Variants in ADCY2 observed in about 807,000 individuals in gnomAD.
ADCY2 encodes adenylate cyclase 2, also known as adenylate cyclase type 2.
In ADCY2, 31 loss-of-function variants were observed where a neutral mutation model predicts 125.2. The ratio of observed to expected loss-of-function variants is 0.25; its 90% confidence interval spans 0.19 to 0.33. The LOEUF (loss-of-function observed/expected upper bound fraction) is 0.33, where lower values mean the gene tolerates loss of function less well. ADCY2 is among the 10% of genes least tolerant of loss of function. The pLI is 1.00. For missense variants in ADCY2, 904 were observed against 1,418.2 expected (o/e 0.64, Z 5.82); for synonymous variants, 512 against 548.4 (o/e 0.93, Z 0.93).
At chr5:7,771,141 A>G (rs571495657) in intron 17 of ADCY2, among the ~76,000 whole-genome samples, 1 of 152,256 alleles carries the variant, frequency 6.6e-6, no homozygotes, top group South Asian at 2.1e-4. Flanking sequence ...AACTTCTCTA[A>G]GGTGACAAGG....
chr5:7,826,077 G>A (rs1745467546), intron 24 of ADCY2, among the ~76,000 whole-genome samples: 2 of 152,322 alleles, frequency 1.3e-5, no homozygotes, highest in East Asian at 1.9e-4. Context: ...TTTGAGACTT[G>A]ACTGGGAGCA....
At chr5:7,441,164 C>T in intron 2 of ADCY2, among the ~76,000 whole-genome samples, 1 of 152,044 alleles carries the variant, frequency 6.6e-6, no homozygotes, top group Non-Finnish European at 1.5e-5. Flanking sequence ...AACTTCTTGA[C>T]TTCTGGGGAT....
At position 7,675,557 on chromosome 5, in the gene ADCY2, C is replaced by T. The variant is rs536720206; in HGVS notation, c.721-15134C>T. Among the ~76,000 whole-genome samples, 23 of 152,290 alleles carry T rather than the reference C, an allele frequency of 1.5e-4. No individual in the cohort carries two copies. The East Asian group carries it at 4.2e-3, about 28-fold the overall frequency. ...AACTTGTCAAAAGAGACTTTGCGCC[C>T]GTCGAGGCTAACATATGAAGGTTTT... On this transcript the variant is annotated intron_variant, in intron 4 of 24. Coordinates refer to ENST00000338316, the MANE Select transcript of ADCY2 (RefSeq NM_020546.3).
intron 3 of ADCY2, among the ~76,000 whole-genome samples, chr5:7,567,929 TTCTCTCTCTCTCTCTCTCTC>T (rs10590625): frequency 1.4e-5 from 2 of 146,568 alleles, no homozygotes; most frequent in South Asian, 4.5e-4. Flanking sequence ...CGTCCTCTCT[TTCTCTCTCTCTCTCTCTCTC>T]TCTCTCTCTC....
intron 3 of ADCY2, among the ~76,000 whole-genome samples, chr5:7,530,909 C>T (rs1734618075): frequency 6.6e-6 from 1 of 152,100 alleles, no homozygotes; most frequent in African/African-American, 2.4e-5. Flanking sequence ...ACCCTCAGGA[C>T]CTGGTTCACA....
chr5:7,558,880 T>G (rs1034621400), intron 3 of ADCY2, among the ~76,000 whole-genome samples: 2 of 152,296 alleles, frequency 1.3e-5, no homozygotes, highest in South Asian at 2.1e-4. Context: ...TGAAGGGGTC[T>G]GGTTTCAATC....
intron 3 of ADCY2, among the ~76,000 whole-genome samples, chr5:7,524,503 C>G (rs962547856): frequency 1.8e-4 from 28 of 152,324 alleles, no homozygotes; most frequent in African/African-American, 6.3e-4. Flanking sequence ...ACAAAAGGAC[C>G]TAGCTCAGAA....
chr5:7,544,827 G>C (rs1268588845), intron 3 of ADCY2, among the ~76,000 whole-genome samples: 1 of 152,136 alleles, frequency 6.6e-6, no homozygotes, highest in African/African-American at 2.4e-5. Flanking sequence ...TGAGAAAAGG[G>C]AATCATGCAG....
chr5:7,803,778 T>C (rs950562676), intron 21 of ADCY2, among the ~76,000 whole-genome samples: 1 of 151,978 alleles, frequency 6.6e-6, no homozygotes, highest in Non-Finnish European at 1.5e-5. Flanking sequence ...TGTATGCCTG[T>C]GATCTCAGCC....
intron 3 of ADCY2, among the ~76,000 whole-genome samples, chr5:7,529,209 T>G (rs1019051498): frequency 1.4e-5 from 2 of 147,896 alleles, no homozygotes; most frequent in African/African-American, 4.9e-5. Flanking sequence ...CAGAAATGAT[T>G]ATCATGGCCT....
intron 4 of ADCY2, among the ~76,000 whole-genome samples, chr5:7,673,803 G>C (rs1268537804): frequency 6.6e-6 from 1 of 152,144 alleles, no homozygotes. Flanking sequence ...GCAGGGCTGG[G>C]AGGCAAGATC....
chr5:7,672,247 G>A (rs1739960951), intron 4 of ADCY2, among the ~76,000 whole-genome samples: 1 of 152,194 alleles, frequency 6.6e-6, no homozygotes, highest in South Asian at 2.1e-4. Context: ...AACATGTTAA[G>A]TAAGCTGTGA....
Position 7,772,922 on chromosome 5 carries a change from C to T in ADCY2, c.2215-10C>T. On this transcript the variant is annotated splice_polypyrimidine_tract_variant and intron_variant, in intron 17 of 24. Coordinates refer to ENST00000338316, the MANE Select transcript of ADCY2 (RefSeq NM_020546.3). ...CCTAAGTATCTGTCTGGTGTCCTTC[C>T]CTGTTTCAGTACTTTATCTACAGCT... 6.2e-7 allele frequency: 1 copy of T among 1,613,418 alleles called. No individual in the cohort carries two copies. Among genetic ancestry groups the T allele is most frequent in the Non-Finnish European group, 8.5e-7 (1 of 1,179,548 alleles).
intron 3 of ADCY2, among the ~76,000 whole-genome samples, chr5:7,524,103 G>T (rs73046365): frequency 0.11 from 16,767 of 152,172 alleles, 1,005 homozygotes; most frequent in Non-Finnish European, 0.13. Flanking sequence ...CCTTGAAGTA[G>T]AAGGCATTCT....
intron 20 of ADCY2, chr5:7,796,679 A>G (rs1158027723): frequency 6.6e-6 from 1 of 152,164 alleles, no homozygotes; most frequent in Non-Finnish European, 1.5e-5. Flanking sequence ...AAGCTTCTCC[A>G]TCAGCTGTTA....
intron 23 of ADCY2, among the ~76,000 whole-genome samples, chr5:7,820,313 C>G (rs1275127920): frequency 2.0e-5 from 3 of 151,806 alleles, no homozygotes; most frequent in Admixed American, 2.0e-4. Flanking sequence ...GGCAACATGG[C>G]AAAACTCTGT....
At chr5:7,754,675 T>C (rs1041729474) in intron 15 of ADCY2, among the ~76,000 whole-genome samples, 3 of 151,310 alleles carry the variant, frequency 2.0e-5, no homozygotes, top group Admixed American at 6.6e-5. Context: ...GTATTATAGG[T>C]TGGTGCAAAA....
chr5:7,507,255 A>C (rs1352705749), intron 2 of ADCY2, among the ~76,000 whole-genome samples: 6 of 144,958 alleles, frequency 4.1e-5, no homozygotes, highest in Middle Eastern at 6.8e-3. Context: ...TCCCGGCTAA[A>C]ACGGTGAAAC....
At chr5:7,692,824 A>G (rs1365762356) in intron 5 of ADCY2, among the ~76,000 whole-genome samples, 3 of 152,192 alleles carry the variant, frequency 2.0e-5, no homozygotes, top group African/African-American at 7.2e-5. Context: ...AAATGAGAGT[A>G]TGTTGGGGGC....
Sources: gnomAD v4.1 joint callset for allele counts (sites outside exome capture counted in the v4.1 genomes callset) on GRCh38, gnomAD v4.1.1 for gene constraint, MANE v1.5 for transcripts, NCBI Gene and HGNC (gene_info 2026-07-23, HGNC 2026-07-21) for gene names.